UBLCP1: variants seen among roughly 807,000 people sequenced by gnomAD.
UBLCP1 encodes ubiquitin-like domain-containing CTD phosphatase 1.
A neutral mutation model predicts 42.4 loss-of-function variants in UBLCP1; 28 were observed. The ratio of observed to expected loss-of-function variants is 0.66; its 90% CI spans 0.49 to 0.90. UBLCP1 has a LOEUF of 0.90. Ranked by LOEUF, UBLCP1 falls within the 40% of genes least tolerant of loss-of-function variation. The pLI is 0.00. For missense variants in UBLCP1, 279 were observed against 374.5 expected (o/e 0.75, Z 2.10); for synonymous variants, 122 against 120.8 (o/e 1.01, Z -0.07).
At chr5:159,273,927 T>G (rs1753502611) in intron 6 of UBLCP1, among the ~76,000 whole-genome samples, 2 of 152,184 alleles carry the variant, frequency 1.3e-5, no homozygotes, top group Non-Finnish European at 2.9e-5. Context: ...TATACCTGTA[T>G]AGTTTAGTCC....
At chr5:159,271,830 A>T (rs1753470544) in intron 5 of UBLCP1, among the ~76,000 whole-genome samples, 193 bp from the exon 6 acceptor site, 1 of 152,220 alleles carries the variant, frequency 6.6e-6, no homozygotes, top group South Asian at 2.1e-4. Context: ...GATCGACTAA[A>T]ATTGGATCTT....
At chr5:159,284,631 CTG>C (rs1283302761) in intron 10 of UBLCP1, among the ~76,000 whole-genome samples, 1 of 152,110 alleles carries the variant, frequency 6.6e-6, no homozygotes, top group Non-Finnish European at 1.5e-5. Flanking sequence ...CACTTTCTAG[CTG>C]TGTGAATTTG....
At chr5:159,277,725 G>A (rs1478875493) in intron 8 of UBLCP1, among the ~76,000 whole-genome samples, 4 of 152,142 alleles carry the variant, frequency 2.6e-5, no homozygotes, top group African/African-American at 7.2e-5. Context: ...AAATTCCCTA[G>A]AAATTATGCA....
At chr5:159,266,670 A>C (rs1753397716) in intron 1 of UBLCP1, among the ~76,000 whole-genome samples, 1 of 152,178 alleles carries the variant, frequency 6.6e-6, no homozygotes, top group Admixed American at 6.5e-5. Flanking sequence ...GAGGCCCAGG[A>C]AGGAAAAAAG....
chr5:159,279,734 G>T lies in UBLCP1; in HGVS notation c.801+1380G>T, dbSNP rs558559874. On this transcript the variant is annotated intron_variant, in intron 9 of 10. Transcript: ENST00000296786. ...ATGGTTTCTGTTTAAGGCTTGGAGAGAAGTGCTTTTCTTAATATGTACTGC... is the reference window on the plus strand; with the variant it reads ...ATGGTTTCTGTTTAAGGCTTGGAGATAAGTGCTTTTCTTAATATGTACTGC... Among the ~76,000 whole-genome samples the T allele has an allele frequency of 2.6e-5, 4 of 152,182 alleles. No homozygotes were observed. The East Asian group carries it at 7.7e-4, about 29-fold the overall frequency.
chr5:159,275,648 G>A (rs537275018), intron 8 of UBLCP1, among the ~76,000 whole-genome samples: 1 of 152,142 alleles, frequency 6.6e-6, no homozygotes, highest in East Asian at 1.9e-4. Flanking sequence ...TCCTGACCTC[G>A]TGATCCGCCT....
At chr5:159,269,574 T>C (rs1204294615) in intron 2 of UBLCP1, among the ~76,000 whole-genome samples, 1 of 152,212 alleles carries the variant, frequency 6.6e-6, no homozygotes. Context: ...TGCAGTTTTC[T>C]TAGGCACTCA....
chr5:159,276,905 T>G (rs946880968), intron 8 of UBLCP1, among the ~76,000 whole-genome samples: 1 of 152,214 alleles, frequency 6.6e-6, no homozygotes, highest in Admixed American at 6.5e-5. Context: ...AAAATTTTCC[T>G]TTATGCTTTT....
chr5:159,283,144 G>T, intron 9 of UBLCP1, 68 bp from the exon 10 acceptor site: 1 of 1,471,574 alleles, frequency 6.8e-7, no homozygotes, highest in Non-Finnish European at 9.2e-7. Flanking sequence ...TAATTGAAAT[G>T]ATAGTATAGA....
intron 9 of UBLCP1, among the ~76,000 whole-genome samples, chr5:159,281,685 T>G (rs1014355789): frequency 2.6e-5 from 4 of 152,086 alleles, no homozygotes; most frequent in Admixed American, 2.6e-4. Context: ...ATGGGTGGTG[T>G]TTTTCCAATG....
In UBLCP1 at chr5:159,285,044, A is replaced by G; in HGVS notation, c.*113A>G. 1.0e-6 allele frequency: 1 copy of G among 958,932 alleles called. No individual in the cohort carries two copies. Among genetic ancestry groups the G allele is most frequent in the East Asian group, 2.5e-5 (1 of 39,988 alleles). The allele number at this position is 958,932 out of a possible 1,614,324, so 59.4% of individuals were successfully genotyped here. On this transcript the variant is annotated 3_prime_UTR_variant, in exon 11 of 11. Transcript: ENST00000296786. ...CACTGAAGCAAATACCATACTGCTT[A>G]TACTTGGTCTTCCAGTTTTTTGTAA...
intron 9 of UBLCP1, among the ~76,000 whole-genome samples, chr5:159,278,569 G>A (rs116810618): frequency 2.0e-5 from 3 of 151,986 alleles, no homozygotes; most frequent in East Asian, 3.9e-4. Context: ...GTATTTGTTT[G>A]TTTATTTATT....
chr5:159,272,151 G>A lies in UBLCP1; in HGVS notation c.547+30G>A, dbSNP rs374991945. 75 of 1,523,310 alleles carry A rather than the reference G, an allele frequency of 4.9e-5. No homozygotes were observed. In the African/African-American group the frequency reaches 6.4e-4, roughly 13 times the overall value. The allele number at this position is 1,523,310 out of a possible 1,614,324, so 94.4% of individuals were successfully genotyped here. ...GCTGTATTTTTTTGTTTAGATTTCC[G>A]TGGAAATAGGTTGTTCCATATATTA... On this transcript the variant is annotated intron_variant, in intron 6 of 10. Transcript: ENST00000296786.
intron 6 of UBLCP1, 113 bp downstream of exon 6, chr5:159,272,234 A>G: frequency 1.2e-6 from 1 of 839,752 alleles, no homozygotes; most frequent in East Asian, 2.6e-5. Flanking sequence ...AATAGTTTTC[A>G]TTTTTTAGCA....
chr5:159,270,984 G>A lies in UBLCP1; in HGVS notation c.448+341G>A, dbSNP rs184521285. On this transcript the variant is annotated intron_variant, in intron 5 of 10. Transcript: ENST00000296786. ...ATGATATATATATATGTGTGTGTGT[G>A]TATATATATTTTTTTATTTTTTTGG... Among the ~76,000 whole-genome samples, 1,110 of 151,406 alleles carry A rather than the reference G, an allele frequency of 7.3e-3. 15 individuals are homozygous for A. Among genetic ancestry groups the A allele is most frequent in the African/African-American group, 0.025 (1,049 of 41,334 alleles).
chr5:159,265,870 G>C (rs1309404461), intron 1 of UBLCP1, among the ~76,000 whole-genome samples: 1 of 152,110 alleles, frequency 6.6e-6, no homozygotes, highest in Non-Finnish European at 1.5e-5. Context: ...TTTTAGTAGA[G>C]ATGGGGTTTC....
intron 4 of UBLCP1, 34 bp from the exon 5 acceptor site, chr5:159,270,494 T>C: frequency 6.2e-7 from 1 of 1,605,266 alleles, no homozygotes; most frequent in Non-Finnish European, 8.5e-7. Flanking sequence ...TGAGAACAAG[T>C]GAATATTTTA....
Position 159,270,655 on chromosome 5 carries a change from A to C in UBLCP1, c.448+12A>C, listed in dbSNP as rs1753452471. The C allele has an allele frequency of 6.6e-7, 1 of 1,509,964 alleles. No individual in the cohort carries two copies. The highest frequency in any genetic ancestry group is 2.3e-5 in the Admixed American group (1 of 44,106). 93.5% of individuals were successfully genotyped at this position (1,509,964 alleles called of 1,614,324 possible). ...TTATACATTATTTGGTAAGTCAGTT[A>C]AGAATGCTTTTCATTTTCTGTTACC... On this transcript the variant is annotated intron_variant, in intron 5 of 10. Coordinates refer to ENST00000296786, the MANE Select transcript of UBLCP1 (RefSeq NM_145049.5).
chr5:159,273,121 A>T lies in UBLCP1; in HGVS notation c.547+1000A>T, dbSNP rs373309154. Among the ~76,000 whole-genome samples the T allele has an allele frequency of 2.6e-5, 4 of 152,312 alleles. No homozygotes were observed. The South Asian group carries it at 6.2e-4, about 24-fold the overall frequency. On this transcript the variant is annotated intron_variant, in intron 6 of 10. Coordinates refer to ENST00000296786, the MANE Select transcript of UBLCP1 (RefSeq NM_145049.5). ...AATCAGAGTACTTCCGTTGTTTGTGATATGTGAGTTCCATGTGAGTTCACA... is the reference window on the plus strand; with the variant it reads ...AATCAGAGTACTTCCGTTGTTTGTGTTATGTGAGTTCCATGTGAGTTCACA...
Sources: allele counts gnomAD v4.1 joint callset (sites outside exome capture counted in the v4.1 genomes callset), GRCh38; gene constraint gnomAD v4.1.1; transcripts MANE v1.5; gene names NCBI Gene and HGNC (gene_info 2026-07-23, HGNC 2026-07-21).